NF2: variants seen among roughly 807,000 people sequenced by gnomAD.
NF2 encodes the protein merlin.
NF2 carries 8 observed loss-of-function variants against 83.7 expected under a neutral mutation model. The observed-to-expected ratio is 0.10, with a 90% CI of 0.06 to 0.17. The LOEUF (loss-of-function observed/expected upper bound fraction) is 0.17. Among genes scored for constraint, NF2 ranks in the 10% least tolerant of loss-of-function variants. The pLI, the probability that NF2 is intolerant of heterozygous loss-of-function variation, is 1.00. For missense variants in NF2, 533 were observed against 744.4 expected (o/e 0.72, Z 3.31); for synonymous variants, 266 against 269.6 (o/e 0.99, Z 0.13).
intron 4 of NF2, among the ~76,000 whole-genome samples, chr22:29,648,940 C>A (rs2066062291): frequency 6.6e-6 from 1 of 152,150 alleles, no homozygotes; most frequent in African/African-American, 2.4e-5. Context: ...AAAGGAGGGA[C>A]TGGATTATTT....
intron 1 of NF2, among the ~76,000 whole-genome samples, chr22:29,610,526 C>T (rs2064923941): frequency 6.6e-6 from 1 of 151,718 alleles, no homozygotes. Flanking sequence ...GCCTGTAGTC[C>T]CAGCTACTCG....
chr22:29,610,638 C>A (rs2064927347), intron 1 of NF2, among the ~76,000 whole-genome samples: 2 of 142,528 alleles, frequency 1.4e-5, no homozygotes, highest in Non-Finnish European at 3.0e-5. Flanking sequence ...AGTGAGACTC[C>A]ATCTCAAAAA....
intron 1 of NF2, among the ~76,000 whole-genome samples, chr22:29,629,005 GTCTC>G (rs201864019): frequency 2.6e-5 from 4 of 151,860 alleles, no homozygotes; most frequent in Non-Finnish European, 4.4e-5. Flanking sequence ...GAGGAAAAAA[GTCTC>G]TCTCTCTCCC....
chr22:29,621,561 G>A (rs1402067622), intron 1 of NF2, among the ~76,000 whole-genome samples: 1 of 152,012 alleles, frequency 6.6e-6, no homozygotes, highest in Non-Finnish European at 1.5e-5. Flanking sequence ...TAGCATCTCG[G>A]GAGGCTGAGG....
At position 29,667,645 on chromosome 22, in the gene NF2, G is replaced by A. The variant is rs199691526; in HGVS notation, c.886-688G>A. Among the ~76,000 whole-genome samples the A allele has an allele frequency of 6.6e-5, 10 of 152,188 alleles. No individual in the cohort carries two copies. In the East Asian group the frequency reaches 1.2e-3, roughly 18 times the overall value. Reference sequence around the variant, plus strand: ...CAAGGATCCTCTCACCTTGGCCTCCGAAAGTGCTGGGATTACAGGTGTGAG... The same window carrying A: ...CAAGGATCCTCTCACCTTGGCCTCCAAAAGTGCTGGGATTACAGGTGTGAG... On this transcript the variant is annotated intron_variant, in intron 9 of 15. Transcript: ENST00000338641.
At chr22:29,621,267 C>T (rs2065211268) in intron 1 of NF2, among the ~76,000 whole-genome samples, 1 of 152,222 alleles carries the variant, frequency 6.6e-6, no homozygotes, top group South Asian at 2.1e-4. Flanking sequence ...ATTCCTGGCT[C>T]TGCCTCTAAC....
intron 2 of NF2, among the ~76,000 whole-genome samples, chr22:29,638,371 A>G (rs1030204267): frequency 6.8e-6 from 1 of 148,146 alleles, no homozygotes; most frequent in Admixed American, 6.7e-5. Context: ...TTTTTTTAAG[A>G]CAGAGTTTTG....
At chr22:29,693,220 C>G (rs2067453494) in intron 15 of NF2, among the ~76,000 whole-genome samples, 1 of 152,172 alleles carries the variant, frequency 6.6e-6, no homozygotes, top group African/African-American at 2.4e-5. Flanking sequence ...AGGGAGAAGC[C>G]CATCCTGATG....
rs2066602634 is a variant in NF2, at chr22:29,665,750, G to A, written c.885+686G>A. ...GTGGCCGAGACGGGTGGATCACAAG[G>A]TCAGGAAAAAAAAAAAAAAAGAAAA... On this transcript the variant is annotated intron_variant, in intron 9 of 15. Coordinates refer to ENST00000338641, the MANE Select transcript of NF2 (RefSeq NM_000268.4). Among the ~76,000 whole-genome samples the A allele has an allele frequency of 2.0e-5, 3 of 147,070 alleles. No homozygotes were observed. In the South Asian group the frequency reaches 6.4e-4, roughly 32 times the overall value.
intron 4 of NF2, among the ~76,000 whole-genome samples, chr22:29,650,346 C>T (rs1389599610): frequency 6.6e-6 from 1 of 152,146 alleles, no homozygotes; most frequent in Non-Finnish European, 1.5e-5. Flanking sequence ...ACAGTAGATA[C>T]TATCAGTCTT....
At chr22:29,675,612 G>T (rs572537574) in intron 13 of NF2, among the ~76,000 whole-genome samples, 19 of 152,178 alleles carry the variant, frequency 1.2e-4, no homozygotes, top group Middle Eastern at 3.4e-3. Context: ...AGCAGGAGAG[G>T]CTCAGTGTGG....
rs2067480312 is a variant in NF2, at chr22:29,694,134, A to G, written c.1738-618A>G. Among the ~76,000 whole-genome samples the G allele has an allele frequency of 6.6e-6, 1 of 152,188 alleles. No individual in the cohort carries two copies. The highest frequency in any genetic ancestry group is 1.5e-5 in the Non-Finnish European group (1 of 68,034). On this transcript the variant is annotated intron_variant, in intron 15 of 15. Coordinates refer to ENST00000338641, the MANE Select transcript of NF2 (RefSeq NM_000268.4). This position sits in a 1 kb window ranked among gnomAD's most constrained non-coding sequence, Gnocchi z 4.1. ...GTGTGCACCAGCCCTCCCTGCCTGCACAAGCCACACTGAGAAAGCCGTTGC... is the reference window on the plus strand; with the variant it reads ...GTGTGCACCAGCCCTCCCTGCCTGCGCAAGCCACACTGAGAAAGCCGTTGC...
chr22:29,698,105 G>C lies in NF2; in HGVS notation c.*3303G>C. On this transcript the variant is annotated 3_prime_UTR_variant, in exon 16 of 16. Transcript: ENST00000338641. ...GCAGCTGTGTGGCACAGATGGCTTC[G>C]TTCATCCTGATCAAGGCCCCACCTC... 1 of 231,262 alleles carries C rather than the reference G, an allele frequency of 4.3e-6. No individual in the cohort carries two copies. The highest frequency in any genetic ancestry group is 8.6e-6 in the Non-Finnish European group (1 of 116,698). The allele number at this position is 231,262 out of a possible 1,614,324, so 14.3% of individuals were successfully genotyped here.
rs34704204 is a variant in NF2, at chr22:29,626,153, C to CTT, written c.115-10580_115-10579dup. Among the ~76,000 whole-genome samples, 444 of 128,196 alleles carry CTT rather than the reference C, an allele frequency of 3.5e-3. 2 individuals are homozygous for CTT. Among genetic ancestry groups the CTT allele is most frequent in the Admixed American group, 7.1e-3 (85 of 12,012 alleles). The allele number at this position is 128,196 out of a possible 152,430, so 84.1% of individuals were successfully genotyped here. A position where few individuals can be genotyped will look rare whatever the true frequency, so the allele number is the denominator to read the frequency against. On this transcript the variant is annotated intron_variant, in intron 1 of 15. Coordinates refer to ENST00000338641, the MANE Select transcript of NF2 (RefSeq NM_000268.4). ...ACGGTAGTTCTCATCCATCTGCAGACTTTTTTTTTTTTTTTTTTTGAGATG... is the reference window on the plus strand; with the variant it reads ...ACGGTAGTTCTCATCCATCTGCAGACTTTTTTTTTTTTTTTTTTTTTGAGATG...
intron 1 of NF2, among the ~76,000 whole-genome samples, chr22:29,631,947 G>A (rs1432741295): frequency 1.3e-5 from 2 of 152,104 alleles, no homozygotes; most frequent in Non-Finnish European, 2.9e-5. Flanking sequence ...ACTAGTTCCT[G>A]GAAAGATTAA....
chr22:29,636,881 G>C lies in NF2; in HGVS notation c.240+5G>C. 6.2e-7 allele frequency: 1 copy of C among 1,614,042 alleles called. No individual in the cohort carries two copies. Among genetic ancestry groups the C allele is most frequent in the Non-Finnish European group, 8.5e-7 (1 of 1,180,028 alleles). On this transcript the variant is annotated splice_donor_5th_base_variant and intron_variant, in intron 2 of 15. Transcript: ENST00000338641. The surrounding 1 kb of genome is among the most constrained non-coding windows in gnomAD (Gnocchi z 4.4). ...TGGCTCAAAATGGACAAGAAGGTTGGGCTAGAACTCGATGAAACTGGTGGG... is the reference window on the plus strand; with the variant it reads ...TGGCTCAAAATGGACAAGAAGGTTGCGCTAGAACTCGATGAAACTGGTGGG...
At chr22:29,684,825 T>C (rs973451907) in intron 15 of NF2, among the ~76,000 whole-genome samples, 2 of 152,034 alleles carry the variant, frequency 1.3e-5, no homozygotes, top group African/African-American at 4.8e-5. Flanking sequence ...TGAAGTTCAG[T>C]GCATGTTCCA....
chr22:29,610,632 A>T (rs1213500796), intron 1 of NF2, among the ~76,000 whole-genome samples: 1 of 150,796 alleles, frequency 6.6e-6, no homozygotes, highest in Admixed American at 6.6e-5. Context: ...TGACAAAGTG[A>T]GACTCCATCT....
intron 1 of NF2, among the ~76,000 whole-genome samples, chr22:29,606,495 G>C (rs77767504): frequency 2.6e-5 from 4 of 152,172 alleles, no homozygotes; most frequent in African/African-American, 9.7e-5. Flanking sequence ...TTGGCTCCGG[G>C]ATTTTGCCTC....
Sources: allele counts gnomAD v4.1 joint callset (sites outside exome capture counted in the v4.1 genomes callset), GRCh38; gene constraint gnomAD v4.1.1; non-coding constraint Gnocchi (gnomAD v3.1); transcripts MANE v1.5; gene names NCBI Gene and HGNC (gene_info 2026-07-23, HGNC 2026-07-21).